The following ORC1 variants were observed in gnomAD, a reference collection of about 807,000 sequenced individuals.
ORC1 encodes the protein origin recognition complex subunit 1, also known as origin recognition complex, subunit 1 homolog.
In ORC1, 61 loss-of-function variants were observed where a neutral mutation model predicts 98.9. The ratio of observed to expected loss-of-function variants is 0.62; its 90% CI spans 0.50 to 0.76. The LOEUF is 0.76. Ranked by LOEUF, ORC1 falls within the 30% of genes least tolerant of loss-of-function variation. ORC1 has a pLI of 0.00. For missense variants in ORC1, 979 were observed against 1,072.2 expected, an observed-to-expected ratio of 0.91 and a Z score of 1.21; for synonymous variants, 385 against 406.9, an observed-to-expected ratio of 0.95 and a Z score of 0.65.
intron 3 of ORC1, among the ~76,000 whole-genome samples, chr1:52,399,970 CTCA>C (rs1189110530): frequency 2.0e-5 from 3 of 152,324 alleles, no homozygotes; most frequent in Middle Eastern, 3.4e-3. Flanking sequence ...TCATTAGTGC[CTCA>C]TCATCATCCT....
At chr1:52,377,460 A>C (rs1179628304) in intron 14 of ORC1, among the ~76,000 whole-genome samples, 3 of 151,902 alleles carry the variant, frequency 2.0e-5, no homozygotes, top group Non-Finnish European at 2.9e-5. Flanking sequence ...TTTTTTGTAG[A>C]GACGGGGTTT....
chr1:52,404,422 G>T lies in ORC1; in HGVS notation c.-182C>A. 1 of 223,702 alleles carries T rather than the reference G, an allele frequency of 4.5e-6. No individual in the cohort carries two copies. The highest frequency in any genetic ancestry group is 5.3e-5 in the Admixed American group (1 of 18,882). The allele number at this position is 223,702 out of a possible 1,614,324, so 13.9% of individuals were successfully genotyped here. ...CACTAGAAATGAAAAGAAGGTGGAA[G>T]GAGAAAAGAAAACTTCGCGCCAATC... On this transcript the variant is annotated 5_prime_UTR_variant, in exon 1 of 17. Transcript: ENST00000371568.
chr1:52,373,525 C>T (rs893797304), intron 16 of ORC1, 150 bp from the exon 17 acceptor site: 26 of 699,888 alleles, frequency 3.7e-5, no homozygotes, highest in South Asian at 8.1e-5. Flanking sequence ...CAGTGGTACA[C>T]AAAATGCAGA....
intron 3 of ORC1, among the ~76,000 whole-genome samples, chr1:52,399,816 C>G (rs1210534233): frequency 6.6e-6 from 1 of 150,412 alleles, no homozygotes. Context: ...CTGTCACACA[C>G]ACACACACAC....
At chr1:52,384,026 T>A in intron 11 of ORC1, 89 bp from the exon 12 acceptor site, 1 of 1,038,704 alleles carries the variant, frequency 9.6e-7, no homozygotes, top group Non-Finnish European at 1.5e-6. Context: ...GGGAGGCATT[T>A]AACCTGAGGA....
chr1:52,389,409 T>C (rs568858736), intron 6 of ORC1, 88 bp from the exon 7 acceptor site: 1 of 878,820 alleles, frequency 1.1e-6, no homozygotes, highest in Non-Finnish European at 1.9e-6. Flanking sequence ...GTGGCCTGAT[T>C]GGCTCCCAGT....
At chr1:52,400,248 G>T (rs1647639647) in intron 3 of ORC1, among the ~76,000 whole-genome samples, 1 of 152,130 alleles carries the variant, frequency 6.6e-6, no homozygotes, top group Non-Finnish European at 1.5e-5. Flanking sequence ...TGCAGATGCT[G>T]CCACTAACCC....
At chr1:52,393,416 T>C (rs1647266579) in intron 6 of ORC1, 27 bp downstream of exon 6, 2 of 1,613,978 alleles carry the variant, frequency 1.2e-6, no homozygotes, top group Non-Finnish European at 1.7e-6. Flanking sequence ...GATTTCAATT[T>C]GCTCTGTGGG....
chr1:52,375,578 C>T lies in ORC1; in HGVS notation c.2155G>A (p.Ala719Thr). Reference protein sequence around the residue: ...ARKVAALSGDARRCLDICRRA... With the variant: ...ARKVAALSGDTRRCLDICRRA... Reference sequence around the variant, plus strand: ...CTGCAGATGTCCAGGCACCGTCGTGCATCTCCAGACAGTGCTGCTACCTAC... The same window carrying T: ...CTGCAGATGTCCAGGCACCGTCGTGTATCTCCAGACAGTGCTGCTACCTAC... The change falls in exon 15 of 17, where the codon GCA (alanine) becomes ACA (threonine). Residue 719 changes from alanine to threonine, a missense_variant. Ala to Thr is a moderately conservative substitution (Grantham distance 58). Transcript: ENST00000371568. The T allele has an allele frequency of 6.2e-7, 1 of 1,614,002 alleles. No homozygotes were observed. The highest frequency in any genetic ancestry group is 8.5e-7 in the Non-Finnish European group (1 of 1,180,034).
chr1:52,394,535 G>C (rs896390251), intron 5 of ORC1, among the ~76,000 whole-genome samples: 8 of 151,920 alleles, frequency 5.3e-5, no homozygotes, highest in African/African-American at 1.9e-4. Context: ...TGCTCATAAA[G>C]ATGGCTTTTG....
In ORC1 at chr1:52,396,186, C is replaced by A. The variant is rs755675689; in HGVS notation, c.581G>T (p.Ser194Ile). 1 of 1,614,054 alleles carries A rather than the reference C, an allele frequency of 6.2e-7. No homozygotes were observed. Among genetic ancestry groups the A allele is most frequent in the Non-Finnish European group, 8.5e-7 (1 of 1,180,034 alleles). ...AKCQKPVRAK[S>I]KSAESPSWTP... ...CCAAGAAGGGCTCTCTGCACTCTTA[C>A]TCTTGGCTCTCACGGGTTTCTGGCA... The change falls in exon 5 of 17, where the codon AGT becomes ATT. Residue 194 changes from serine to isoleucine, a missense_variant. Coordinates refer to ENST00000371568, the MANE Select transcript of ORC1 (RefSeq NM_004153.4).
upstream of ORC1, chr1:52,404,833 A>C: frequency 4.3e-6 from 7 of 1,614,236 alleles, no homozygotes; most frequent in Non-Finnish European, 5.9e-6. Flanking sequence ...TTCGAACGCG[A>C]ATCTATGAGT....
rs140843373 is a variant in ORC1 at position 52,388,998 on chromosome 1, CATG to C, written c.1187+216_1187+218del. On this transcript the variant is annotated intron_variant, in intron 7 of 16. Coordinates refer to ENST00000371568, the MANE Select transcript of ORC1 (RefSeq NM_004153.4). ...CCATCCCACCAACAGTCTTGCTGGA[CATG>C]ATGATTAGGGATGGGAGTCACCTAA... 4.0e-3 allele frequency among the ~76,000 whole-genome samples: 609 copies of C among 152,246 alleles called. 13 individuals carry two copies. In the South Asian group the frequency reaches 0.047, roughly 12 times the overall value.
In ORC1 at chr1:52,384,646, C is replaced by A. The variant is rs941339968; in HGVS notation, c.1659G>T (p.Gln553His). The A allele has an allele frequency of 1.2e-6, 2 of 1,614,048 alleles. No individual in the cohort carries two copies. The highest frequency in any genetic ancestry group is 2.7e-5 in the African/African-American group (2 of 75,038). The change falls in exon 11 of 17, where the codon CAG becomes CAT. Residue 553 changes from glutamine (Q) to histidine (H), a missense_variant. Transcript: ENST00000371568. ...GAGGAACATCATTGGCTTGGGCTGC[C>A]TGCTGCAGGCAGCGTATCACTTCAT... ...TVHEVIRCLQ[Q>H]AAQANDVPPF...
chr1:52,393,418 C>T, intron 6 of ORC1, 25 bp downstream of exon 6: 1 of 1,613,940 alleles, frequency 6.2e-7, no homozygotes, highest in Non-Finnish European at 8.5e-7. Flanking sequence ...TTTCAATTTG[C>T]TCTGTGGGTA....
chr1:52,397,789 G>T lies in ORC1; in HGVS notation c.298C>A (p.Arg100=), dbSNP rs146970307. 1 of 1,614,098 alleles carries T rather than the reference G, an allele frequency of 6.2e-7. No homozygotes were observed. The highest frequency in any genetic ancestry group is 1.1e-5 in the South Asian group (1 of 91,078). Residue 100 remains arginine (R), a synonymous_variant, in exon 4 of 17, where the codon CGG becomes AGG. Coordinates refer to ENST00000371568, the MANE Select transcript of ORC1 (RefSeq NM_004153.4). ...CCAGGCTTCCGGCCCAACAAATGCC[G>T]TTTACAGGCAGGGACTTCACAGAAT... ...VRFCEVPACK[R]HLLGRKPGAQ...
Position 52,383,430 on chromosome 1 carries a change from G to A in ORC1, c.2003C>T (p.Ser668Phe). The change falls in exon 13 of 17, where the codon TCC (serine) becomes TTC (phenylalanine). Residue 668 changes from serine (S) to phenylalanine (F), a missense_variant. Coordinates refer to ENST00000371568, the MANE Select transcript of ORC1 (RefSeq NM_004153.4). ...LPERIMMNRV[S>F]SRLGLTRMCF... ...TGCCCTAGAACCTACCAGTCGGCTGGACACCCGGTTCATCATGATTCGCTC... is the reference window on the plus strand; with the variant it reads ...TGCCCTAGAACCTACCAGTCGGCTGAACACCCGGTTCATCATGATTCGCTC... 1 of 1,612,600 alleles carries A rather than the reference G, an allele frequency of 6.2e-7. No homozygotes were observed. Among genetic ancestry groups the A allele is most frequent in the South Asian group, 1.1e-5 (1 of 91,004 alleles).
upstream of ORC1, chr1:52,408,868 C>T (rs972459758): frequency 1.9e-5 from 12 of 648,408 alleles, no homozygotes; most frequent in East Asian, 6.1e-5. Context: ...CTACTAGCTT[C>T]GTGTTGGCCT....
rs564284880 is a variant in ORC1, at chr1:52,386,042, A to G, written c.1384-93T>C. ...ATGTGATTTGTGCTGATCTGATAAA[A>G]GGAAGAGAGGTGGTGAATTCCTCTT... On this transcript the variant is annotated intron_variant, in intron 8 of 16. Transcript: ENST00000371568. The G allele has an allele frequency of 6.2e-5, 58 of 933,490 alleles. No individual in the cohort carries two copies. The South Asian group carries it at 7.0e-4, about 11-fold the overall frequency. The allele number at this position is 933,490 out of a possible 1,614,324, so 57.8% of individuals were successfully genotyped here. A position where few individuals can be genotyped will look rare whatever the true frequency, so the allele number is the denominator to read the frequency against.
Sources: allele counts gnomAD v4.1 joint callset (sites outside exome capture counted in the v4.1 genomes callset), GRCh38; gene constraint gnomAD v4.1.1; transcripts MANE v1.5; gene names NCBI Gene and HGNC (gene_info 2026-07-23, HGNC 2026-07-21).